The following SHF variants were observed in gnomAD, a reference collection of about 807,000 sequenced individuals.
SHF encodes Src homology 2 domain containing F.
Under a neutral mutation model 42.4 loss-of-function variants are expected in SHF, and 30 were observed. The observed-to-expected ratio is 0.71, with a 90% CI of 0.53 to 0.96. The LOEUF (loss-of-function observed/expected upper bound fraction) is 0.96. SHF is among the 40% of genes least tolerant of loss of function. SHF has a pLI of 0.00. For missense variants in SHF, 598 were observed against 634.0 expected (o/e 0.94, Z 0.61); for synonymous variants, 264 against 269.9 (o/e 0.98, Z 0.21).
intron 1 of SHF, among the ~76,000 whole-genome samples, chr15:45,185,129 C>T (rs1486386567): frequency 6.6e-6 from 1 of 152,248 alleles, no homozygotes; most frequent in East Asian, 1.9e-4. Flanking sequence ...TCAGAGGGTT[C>T]TGACTCCCCC....
chr15:45,172,393 C>T (rs568529239), intron 4 of SHF, 75 bp from the exon 5 acceptor site: 15 of 1,403,074 alleles, frequency 1.1e-5, no homozygotes, highest in South Asian at 4.4e-5. Context: ...TAGCCAGTGC[C>T]CAACCCCTAC....
chr15:45,189,180 G>A (rs1898625256), upstream of SHF, among the ~76,000 whole-genome samples: 2 of 143,456 alleles, frequency 1.4e-5, no homozygotes, highest in South Asian at 4.4e-4. Flanking sequence ...GCGACAGAGT[G>A]AGACTCCGTC....
chr15:45,200,411 A>G (rs988843093), intron 1 of SHF: 48 of 228,860 alleles, frequency 2.1e-4, no homozygotes, highest in African/African-American at 1.0e-3. Context: ...TTGTCCTCAC[A>G]ATGCCGTGAC....
Position 45,178,171 on chromosome 15 carries a change from T to A in SHF, c.634A>T (p.Met212Leu). 2 of 1,612,578 alleles carry A rather than the reference T, an allele frequency of 1.2e-6. No individual in the cohort carries two copies. Among genetic ancestry groups the A allele is most frequent in the South Asian group, 2.2e-5 (2 of 91,002 alleles). Residue 212 changes from methionine (M) to leucine (L), a missense_variant, in exon 2 of 7, where the codon ATG becomes TTG. By Grantham distance (15) the Met-to-Leu change is conservative. Transcript: ENST00000690270. ...CCCTGCCCCTGTCACTCACCGGCCA[T>A]CATCTTTTGAGCCTCATAGGGCTCC... ...YMEPYEAQKMMAEIRGSKETA... is the reference protein window; with the variant it reads ...YMEPYEAQKMLAEIRGSKETA...
Position 45,187,531 on chromosome 15 carries a change from T to A in SHF, c.421A>T (p.Ile141Phe), listed in dbSNP as rs2141422345. ...GGGGGCCCCGGGGTCTCGACCCGAA[T>A]AAGGCGGTGTGGGGGAGAGCCGTGG... ...PRHGSPPHRL[I>F]RVETPGPPAP... is the part of the protein sequence containing the mutation. Residue 141 changes from isoleucine (I) to phenylalanine (F), a missense_variant, in exon 1 of 7, where the codon ATT (isoleucine) becomes TTT (phenylalanine). By Grantham distance (21) the Ile-to-Phe change is conservative. Around this residue, in one of 2 missense-constraint regions of SHF, gnomAD observed 439 missense variants for 524.6 expected, o/e 0.84. Coordinates refer to ENST00000690270, the MANE Select transcript of SHF (RefSeq NM_001394037.1). 1 of 1,230,450 alleles carries A rather than the reference T, an allele frequency of 8.1e-7. No individual in the cohort carries two copies. The highest frequency in any genetic ancestry group is 1.0e-6 in the Non-Finnish European group (1 of 986,552). The allele number at this position is 1,230,450 out of a possible 1,614,324, so 76.2% of individuals were successfully genotyped here.
chr15:45,175,823 T>TC (rs201407991), intron 2 of SHF, among the ~76,000 whole-genome samples: 2 of 137,418 alleles, frequency 1.5e-5, no homozygotes, highest in African/African-American at 3.2e-5. Flanking sequence ...TCTTTTCTTT[T>TC]TTTTTTTTTT....
At position 45,167,954 on chromosome 15, in the gene SHF, G is replaced by A; in HGVS notation, c.1460C>T (p.Thr487Ile). 1 of 1,604,560 alleles carries A rather than the reference G, an allele frequency of 6.2e-7. No individual in the cohort carries two copies. Among genetic ancestry groups the A allele is most frequent in the Non-Finnish European group, 8.5e-7 (1 of 1,174,142 alleles). Residue 487 changes from threonine (T) to isoleucine (I), a missense_variant, in exon 7 of 7, where the codon ACT becomes ATT. Thr to Ile is a moderately conservative substitution (Grantham distance 89). Transcript: ENST00000690270. ...AGTGCCCTGGCTTCACATCTAAAGA[G>A]TCCGGATGGCCACAGGGTAGAGCAG... ...MSLLYPVAIR[T>I]L
chr15:45,191,592 G>A (rs1242377535), upstream of SHF, among the ~76,000 whole-genome samples: 2 of 152,114 alleles, frequency 1.3e-5, no homozygotes, highest in African/African-American at 4.8e-5. Flanking sequence ...ACATGGCATC[G>A]GTTTAACAAA....
At chr15:45,200,362 C>T (rs1173926990) in intron 1 of SHF, 1 of 182,790 alleles carries the variant, frequency 5.5e-6, no homozygotes, top group Admixed American at 5.5e-5. Context: ...GGATTAAAAA[C>T]GGATTGGTAC....
At chr15:45,172,430 G>T in intron 4 of SHF, 112 bp from the exon 5 acceptor site, 3 of 1,228,606 alleles carry the variant, frequency 2.4e-6, no homozygotes, top group African/African-American at 1.5e-5. Context: ...AAGGATCAAA[G>T]GAATGCTCTA....
intron 1 of SHF, among the ~76,000 whole-genome samples, chr15:45,186,811 G>C (rs977360862): frequency 6.6e-6 from 1 of 152,252 alleles, no homozygotes; most frequent in Non-Finnish European, 1.5e-5. Flanking sequence ...TGGACCCCAC[G>C]AAGCCCCCTT....
chr15:45,198,601 C>T lies in SHF; in HGVS notation c.303+171G>A, dbSNP rs529279808. The T allele has an allele frequency of 1.1e-5, 8 of 712,700 alleles. No homozygotes were observed. The South Asian group carries it at 1.8e-4, about 16-fold the overall frequency. The allele number at this position is 712,700 out of a possible 1,614,324, so 44.1% of individuals were successfully genotyped here. On this transcript the variant is annotated intron_variant, in intron 2 of 7. Transcript: ENST00000290894. ...GAGCCCCTTGCCGTGCCATTGTTCC[C>T]ACAATGCCGTGACTCGGATTCGAAC...
At chr15:45,169,964 A>G (rs895855222) in intron 6 of SHF, among the ~76,000 whole-genome samples, 6 of 152,236 alleles carry the variant, frequency 3.9e-5, no homozygotes, top group South Asian at 2.1e-4. Flanking sequence ...CCATAATTCT[A>G]TTTCAGAGAA....
rs1897304305 is a variant in SHF, at chr15:45,168,042, G to A, written c.1372C>T (p.Pro458Ser). Residue 458 changes from proline (P) to serine (S), a missense_variant, in exon 7 of 7, where the codon CCT becomes TCT. Coordinates refer to ENST00000690270, the MANE Select transcript of SHF (RefSeq NM_001394037.1). ...CTGGCATAGTGGTGCACAATTTCAG[G>A]GACGCTGCTGAAGGGCGGGCTGTTC... is the stretch of plus-strand genomic sequence containing the variant. ...GQNSPPFSSV[P>S]EIVHHYASRK... 1 of 1,613,708 alleles carries A rather than the reference G, an allele frequency of 6.2e-7. No individual in the cohort carries two copies. The highest frequency in any genetic ancestry group is 8.5e-7 in the Non-Finnish European group (1 of 1,179,734).
intron 1 of SHF, among the ~76,000 whole-genome samples, chr15:45,179,817 C>A (rs922548352): frequency 7.9e-5 from 12 of 152,202 alleles, no homozygotes; most frequent in African/African-American, 2.9e-4. Context: ...CTGAGCCAGA[C>A]CAGGGCTGTA....
intron 6 of SHF, among the ~76,000 whole-genome samples, chr15:45,168,765 C>T (rs1396057657): frequency 2.0e-5 from 3 of 152,178 alleles, no homozygotes; most frequent in South Asian, 2.1e-4. Context: ...CTCATTTATC[C>T]GGCCCTTCAG....
At chr15:45,168,527 C>T (rs7182518) in intron 6 of SHF, among the ~76,000 whole-genome samples, 2,815 of 152,248 alleles carry the variant, frequency 0.018, 85 homozygotes, top group African/African-American at 0.065. Flanking sequence ...TGGTAGGACA[C>T]CCGTGAGGGG....
In SHF at chr15:45,167,902, G is replaced by A; in HGVS notation, c.*45C>T. 6.8e-7 allele frequency: 1 copy of A among 1,472,462 alleles called. No individual in the cohort carries two copies. Among genetic ancestry groups the A allele is most frequent in the Non-Finnish European group, 9.1e-7 (1 of 1,101,028 alleles). 91.2% of individuals were successfully genotyped at this position (1,472,462 alleles called of 1,614,324 possible). A position where few individuals can be genotyped will look rare whatever the true frequency, so the allele number is the denominator to read the frequency against. ...GCCACAGCCCTCAGCCAGGTGATGG[G>A]CACAGGGCTGGGTACAGGTCTATCA... On this transcript the variant is annotated 3_prime_UTR_variant, in exon 7 of 7. Coordinates refer to ENST00000690270, the MANE Select transcript of SHF (RefSeq NM_001394037.1).
At chr15:45,195,633 A>T (rs945839289) in intron 2 of SHF, among the ~76,000 whole-genome samples, 6 of 152,226 alleles carry the variant, frequency 3.9e-5, no homozygotes, top group African/African-American at 1.4e-4. Flanking sequence ...GCTAACCCAT[A>T]GGCAGTGTGC....
Sources: gnomAD v4.1 joint callset for allele counts (sites outside exome capture counted in the v4.1 genomes callset) on GRCh38, gnomAD v4.1.1 for gene constraint, gnomAD v4.1.1 regional missense constraint, MANE v1.5 for transcripts, NCBI Gene and HGNC (gene_info 2026-07-23, HGNC 2026-07-21) for gene names.